Variants in EIF1AX observed in about 807,000 individuals in gnomAD.
The protein encoded by EIF1AX is eukaryotic translation initiation factor 1A X-linked, also known as eukaryotic translation initiation factor 1A, X-chromosomal.
Under a neutral mutation model 16.1 loss-of-function variants are expected in EIF1AX, and 1 was observed. The observed-to-expected ratio is 0.06, with a 90% confidence interval of 0.02 to 0.30. The LOEUF (loss-of-function observed/expected upper bound fraction) is 0.30, where lower values mean the gene tolerates loss of function less well. Ranked by LOEUF, EIF1AX falls within the 10% of genes least tolerant of loss-of-function variation. EIF1AX has a pLI of 1.00. For synonymous variants in EIF1AX, 32 were observed against 37.3 expected (o/e 0.86, Z 0.51); for missense variants, 11 against 109.1 (o/e 0.10, Z 4.00).
At position 20,126,677 on chromosome X, in the gene EIF1AX, T is replaced by C; in HGVS notation, c.*1629A>G. The C allele has an allele frequency of 7.6e-6, 1 of 132,124 alleles. No individual in the cohort carries two copies. Among genetic ancestry groups the C allele is most frequent in the Non-Finnish European group, 1.5e-5 (1 of 66,522 alleles). The allele number at this position is 132,124 out of a possible 1,213,427, so 10.9% of individuals were successfully genotyped here. ...TTTAGAATACCAATGAAGAGAATTG[T>C]TAATTCTTCAAGGCTGGTTTCTTAT... On this transcript the variant is annotated 3_prime_UTR_variant, in exon 7 of 7. Transcript: ENST00000379607.
At chrX:20,141,489 G>T in intron 1 of EIF1AX, 136 bp downstream of exon 1, 1 of 761,602 alleles carries the variant, frequency 1.3e-6, no homozygotes, top group Non-Finnish European at 1.9e-6. Context: ...AGAGTCGCGT[G>T]TGGGGCGCCC....
chrX:20,136,230 T>TGC, intron 2 of EIF1AX: 1 of 338,487 alleles, frequency 3.0e-6, no homozygotes, highest in East Asian at 8.2e-5. Context: ...CACGTGTGCG[T>TGC]GCACACACAC....
At chrX:20,129,673 G>A (rs904108580) in intron 6 of EIF1AX, among the ~76,000 whole-genome samples, 4 of 111,949 alleles carry the variant, frequency 3.6e-5, no homozygotes, top group East Asian at 2.8e-4. Context: ...CATACCAACT[G>A]CAAACCAAGA....
chrX:20,132,447 C>T (rs185528180), intron 4 of EIF1AX, among the ~76,000 whole-genome samples, 184 bp from the exon 5 acceptor site: 10 of 111,810 alleles, frequency 8.9e-5, no homozygotes, highest in African/African-American at 3.2e-4. Flanking sequence ...CAAGAGGAAG[C>T]TTATGTACAT....
Position 20,130,040 on chromosome X carries a change from G to A in EIF1AX, c.429+476C>T, listed in dbSNP as rs184260119. ...AATAGGGCCGGGCATGGTGGCTCAC[G>A]CCTGCAACCCCAGCACTTTGGGAGG... is the stretch of plus-strand genomic sequence containing the variant. On this transcript the variant is annotated intron_variant, in intron 6 of 6. Transcript: ENST00000379607. Among the ~76,000 whole-genome samples, 25 of 111,004 alleles carry A rather than the reference G, an allele frequency of 2.3e-4. No individual in the cohort carries two copies. The East Asian group carries it at 5.9e-3, about 26-fold the overall frequency.
intron 1 of EIF1AX, among the ~76,000 whole-genome samples, chrX:20,140,671 T>C (rs1267966126): frequency 1.8e-5 from 2 of 111,623 alleles, no homozygotes; most frequent in African/African-American, 3.3e-5. Flanking sequence ...TCCTCTAGAA[T>C]GAATAATCAA....
At position 20,141,727 on chromosome X, in the gene EIF1AX, G is replaced by A; in HGVS notation, c.-87C>T. The A allele has an allele frequency of 1.0e-6, 1 of 958,935 alleles. No homozygotes were observed. The highest frequency in any genetic ancestry group is 1.4e-6 in the Non-Finnish European group (1 of 704,722). The allele number at this position is 958,935 out of a possible 1,213,427, so 79.0% of individuals were successfully genotyped here. A position where few individuals can be genotyped will look rare whatever the true frequency, so the allele number is the denominator to read the frequency against. On this transcript the variant is annotated 5_prime_UTR_variant, in exon 1 of 7. Coordinates refer to ENST00000379607, the MANE Select transcript of EIF1AX (RefSeq NM_001412.4). ...CTGCTGCTCCGAGGGGCGACACGAG[G>A]GAGCGCGCGGGACCAAGTAGGTGCT...
At chrX:20,136,223 G>A (rs764166245) in intron 2 of EIF1AX, 9 of 331,731 alleles carry the variant, frequency 2.7e-5, no homozygotes, top group Non-Finnish European at 4.6e-5. Flanking sequence ...TTATAAACAC[G>A]TGTGCGTGCA....
chrX:20,136,419 T>C (rs2067017145), intron 2 of EIF1AX: 1 of 269,916 alleles, frequency 3.7e-6, no homozygotes, highest in Non-Finnish European at 7.2e-6. Flanking sequence ...GAGAATGTAA[T>C]GCCATTTCTA....
rs1174999053 is a variant in EIF1AX, at chrX:20,136,556, T to C, written c.101-715A>G. On this transcript the variant is annotated intron_variant, in intron 2 of 6. Transcript: ENST00000379607. ...TAGGTGCAAATCTCATAATTTTTAG[T>C]TCATTTAGCAAACAAAAACAAACTT... 3.5e-5 allele frequency among the ~76,000 whole-genome samples: 4 copies of C among 112,767 alleles called. No individual in the cohort carries two copies. The South Asian group carries it at 1.1e-3, about 31-fold the overall frequency.
chrX:20,132,551 C>T (rs1034314709), intron 4 of EIF1AX, among the ~76,000 whole-genome samples: 2 of 111,852 alleles, frequency 1.8e-5, no homozygotes, highest in Non-Finnish European at 3.8e-5. Flanking sequence ...TTTAATATTA[C>T]CCTTTGATCA....
intron 4 of EIF1AX, among the ~76,000 whole-genome samples, chrX:20,133,716 T>C (rs926617305): frequency 9.0e-6 from 1 of 111,598 alleles, no homozygotes; most frequent in Non-Finnish European, 1.9e-5. Flanking sequence ...CATACCTATG[T>C]TGTGATGTGT....
chrX:20,125,646 G>C lies in EIF1AX; in HGVS notation c.*2660C>G, dbSNP rs1023712050. 6.1e-6 allele frequency: 1 copy of C among 163,769 alleles called. No individual in the cohort carries two copies. The highest frequency in any genetic ancestry group is 1.2e-5 in the Non-Finnish European group (1 of 84,911). The allele number at this position is 163,769 out of a possible 1,213,427, so 13.5% of individuals were successfully genotyped here. ...AATCTAGCTATTTTACTCAAAACAT[G>C]CTTTTACCTATTTGATTACTCAGAG... On this transcript the variant is annotated 3_prime_UTR_variant, in exon 7 of 7. Coordinates refer to ENST00000379607, the MANE Select transcript of EIF1AX (RefSeq NM_001412.4).
At position 20,125,380 on chromosome X, in the gene EIF1AX, G is replaced by A. The variant is rs1157522920; in HGVS notation, c.*2926C>T. The A allele has an allele frequency of 5.8e-6, 1 of 170,972 alleles. No homozygotes were observed. The allele number at this position is 170,972 out of a possible 1,213,427, so 14.1% of individuals were successfully genotyped here. ...GAAAAAAAGCAAAGATAAAAAGGAT[G>A]GTAGTTTAGGGTAAACCAAAAACAC... On this transcript the variant is annotated 3_prime_UTR_variant, in exon 7 of 7. Transcript: ENST00000379607.
chrX:20,132,555 T>C (rs1302409512), intron 4 of EIF1AX, among the ~76,000 whole-genome samples: 1 of 112,004 alleles, frequency 8.9e-6, no homozygotes, highest in East Asian at 2.8e-4. Context: ...ATATTACCCT[T>C]TGATCAGAAG....
intron 2 of EIF1AX, chrX:20,136,304 C>T: frequency 5.4e-6 from 2 of 368,191 alleles, no homozygotes; most frequent in Non-Finnish European, 1.1e-5. Flanking sequence ...TATAGTTCTG[C>T]TTCTCAGAAC....
chrX:20,140,012 G>T (rs761474349), intron 1 of EIF1AX: 1 of 112,516 alleles, frequency 8.9e-6, no homozygotes, highest in Non-Finnish European at 1.9e-5. Flanking sequence ...CATGTAATGG[G>T]ATGTTCTTTA....
At chrX:20,135,310 G>T (rs1208072202) in intron 3 of EIF1AX, among the ~76,000 whole-genome samples, 5 of 110,636 alleles carry the variant, frequency 4.5e-5, no homozygotes, top group Non-Finnish European at 9.4e-5. Flanking sequence ...GCCAGGCATG[G>T]TGGCACAGGC....
At chrX:20,140,678 TC>T (rs2067031204) in intron 1 of EIF1AX, among the ~76,000 whole-genome samples, 1 of 111,641 alleles carries the variant, frequency 9.0e-6, no homozygotes, top group African/African-American at 3.3e-5. Context: ...GAATGAATAA[TC>T]AAAGGAGACT....
Sources: allele counts gnomAD v4.1 joint callset (sites outside exome capture counted in the v4.1 genomes callset), GRCh38; gene constraint gnomAD v4.1.1; transcripts MANE v1.5; gene names NCBI Gene and HGNC (gene_info 2026-07-23, HGNC 2026-07-21).